The following ATF6 variants were observed in gnomAD, a reference collection of about 807,000 sequenced individuals.
ATF6 encodes the protein cyclic AMP-dependent transcription factor ATF-6 alpha.
A neutral mutation model predicts 83.6 loss-of-function variants in ATF6; 53 were observed. The observed-to-expected ratio is 0.63, with a 90% CI of 0.51 to 0.80. ATF6 has a LOEUF of 0.80. Among genes scored for constraint, ATF6 ranks in the 30% least tolerant of loss-of-function variants. The pLI is 0.00. For synonymous variants in ATF6, 288 were observed against 285.8 expected (o/e 1.01, Z -0.08); for missense variants, 744 against 797.9 (o/e 0.93, Z 0.81).
At chr1:161,902,056 C>T (rs577031590) in intron 14 of ATF6, among the ~76,000 whole-genome samples, 3 of 152,230 alleles carry the variant, frequency 2.0e-5, no homozygotes, top group South Asian at 2.1e-4. Context: ...TTCCGAAATT[C>T]GGATTTTCAC....
intron 15 of ATF6, among the ~76,000 whole-genome samples, chr1:161,914,285 C>T (rs886302791): frequency 2.0e-5 from 3 of 152,142 alleles, no homozygotes; most frequent in African/African-American, 4.8e-5. Flanking sequence ...TCAAAGTCTG[C>T]AGCAGGGCAG....
At position 161,833,871 on chromosome 1, in the gene ATF6, G is replaced by A. The variant is rs1387112499; in HGVS notation, c.1188-12578G>A. Among the ~76,000 whole-genome samples the A allele has an allele frequency of 2.0e-5, 3 of 152,104 alleles. No homozygotes were observed. The East Asian group carries it at 5.8e-4, about 29-fold the overall frequency. ...AGGAGAACTTCCCCAATCTAGCAAG[G>A]CAGGCCAACATTCAAATTCAGGAAA... On this transcript the variant is annotated intron_variant, in intron 9 of 15. Coordinates refer to ENST00000367942, the MANE Select transcript of ATF6 (RefSeq NM_007348.4).
intron 15 of ATF6, among the ~76,000 whole-genome samples, chr1:161,938,548 G>A (rs10737517): frequency 0.64 from 97,932 of 152,146 alleles, 33,335 homozygotes; most frequent in Non-Finnish European, 0.77. Context: ...ATTGGTGCCA[G>A]AAATGTAAGG....
At chr1:161,863,142 T>G in intron 13 of ATF6, 56 bp from the exon 14 acceptor site, 1 of 1,064,228 alleles carries the variant, frequency 9.4e-7, no homozygotes, top group Non-Finnish European at 1.4e-6. Flanking sequence ...GGGAAGTATT[T>G]TGGGAAAACA....
At chr1:161,772,084 T>C (rs544717929) in intron 1 of ATF6, among the ~76,000 whole-genome samples, 168 of 152,346 alleles carry the variant, frequency 1.1e-3, no homozygotes, top group African/African-American at 3.8e-3. Flanking sequence ...GTTTCAATAG[T>C]TGTTCAGTCC....
At chr1:161,816,950 T>C (rs1011375613) in intron 7 of ATF6, among the ~76,000 whole-genome samples, 2 of 152,222 alleles carry the variant, frequency 1.3e-5, no homozygotes, top group South Asian at 2.1e-4. Flanking sequence ...ATTGGAGCCC[T>C]GTGTTTGGTG....
chr1:161,796,355 A>G (rs1685021603), intron 6 of ATF6, among the ~76,000 whole-genome samples: 1 of 152,166 alleles, frequency 6.6e-6, no homozygotes, highest in Non-Finnish European at 1.5e-5. Flanking sequence ...GGATCTTTTA[A>G]TCATAATTTT....
chr1:161,816,007 A>T (rs1300163333), intron 7 of ATF6, among the ~76,000 whole-genome samples: 1 of 152,244 alleles, frequency 6.6e-6, no homozygotes, highest in African/African-American at 2.4e-5. Flanking sequence ...TCTTACATTG[A>T]TTCAACCTTC....
At position 161,770,455 on chromosome 1, in the gene ATF6, G is replaced by A. The variant is rs543420929; in HGVS notation, c.82+4013G>A. Among the ~76,000 whole-genome samples the A allele has an allele frequency of 3.3e-5, 5 of 152,274 alleles. No individual in the cohort carries two copies. The South Asian group carries it at 1.0e-3, about 32-fold the overall frequency. On this transcript the variant is annotated intron_variant, in intron 1 of 15. Transcript: ENST00000367942. ...CAAGATCAAGATGGCCGCACCTTCA[G>A]GTTCTGGTTAGGGCTCTCTTCCTGG...
In ATF6 at chr1:161,863,209, G is replaced by A; in HGVS notation, c.1616G>A (p.Gly539Glu). ...ETTSSISRNSGSELQVYYASP... is the reference protein window; with the variant it reads ...ETTSSISRNSESELQVYYASP... ...TTTTCTTACTTTAGCAGGAACTCAG[G>A]GAGTGAGCTACAAGTGTATTATGCT... The change falls in exon 14 of 16, where the codon GGG (glycine) becomes GAG (glutamate). Residue 539 changes from glycine (G) to glutamate (E), a missense_variant. Transcript: ENST00000367942. The A allele has an allele frequency of 6.3e-7, 1 of 1,595,588 alleles. No homozygotes were observed. The highest frequency in any genetic ancestry group is 8.6e-7 in the Non-Finnish European group (1 of 1,167,154).
In ATF6 at chr1:161,959,491, A is replaced by G; in HGVS notation, c.*837A>G. 1 of 152,048 alleles carries G rather than the reference A, an allele frequency of 6.6e-6. No individual in the cohort carries two copies. The highest frequency in any genetic ancestry group is 1.5e-5 in the Non-Finnish European group (1 of 68,016). The allele number at this position is 152,048 out of a possible 1,614,324, so 9.4% of individuals were successfully genotyped here. A position where few individuals can be genotyped will look rare whatever the true frequency, so the allele number is the denominator to read the frequency against. On this transcript the variant is annotated 3_prime_UTR_variant, in exon 16 of 16. Coordinates refer to ENST00000367942, the MANE Select transcript of ATF6 (RefSeq NM_007348.4). ...CAAGACCATCCCGGCTAAAACGGTG[A>G]AACCCCGTCTCTACTAAAAATACAA...
chr1:161,919,689 G>T (rs1688164863), intron 15 of ATF6, among the ~76,000 whole-genome samples: 1 of 152,076 alleles, frequency 6.6e-6, no homozygotes, highest in East Asian at 1.9e-4. Flanking sequence ...TGTTTGTGTG[G>T]TACATGTGTA....
At chr1:161,937,623 A>G (rs914813738) in intron 15 of ATF6, among the ~76,000 whole-genome samples, 2 of 151,984 alleles carry the variant, frequency 1.3e-5, no homozygotes, top group Non-Finnish European at 2.9e-5. Context: ...CATCATTCTC[A>G]GCAAACTAAC....
At chr1:161,780,532 C>T (rs1684609747) in intron 2 of ATF6, among the ~76,000 whole-genome samples, 1 of 151,986 alleles carries the variant, frequency 6.6e-6, no homozygotes, top group South Asian at 2.1e-4. Context: ...CGCCACCACG[C>T]CCGGCTAATT....
chr1:161,903,964 G>T (rs1301776516), intron 14 of ATF6, among the ~76,000 whole-genome samples: 1 of 152,158 alleles, frequency 6.6e-6, no homozygotes, highest in African/African-American at 2.4e-5. Flanking sequence ...TGTTTTTCAA[G>T]AGTTGAGGAA....
chr1:161,838,697 T>C (rs748983560), intron 9 of ATF6, among the ~76,000 whole-genome samples: 4 of 152,222 alleles, frequency 2.6e-5, no homozygotes, highest in Non-Finnish European at 4.4e-5. Flanking sequence ...TAATTGCTTA[T>C]TGAATGAATG....
intron 15 of ATF6, among the ~76,000 whole-genome samples, chr1:161,922,625 C>T (rs1023414886): frequency 1.3e-5 from 2 of 151,690 alleles, no homozygotes; most frequent in Non-Finnish European, 2.9e-5. Flanking sequence ...GAGGGGATAA[C>T]AGTTAAACCA....
chr1:161,940,559 C>CTTTTTTTTTTT lies in ATF6; in HGVS notation c.1805-17880_1805-17870dup, dbSNP rs71301060. ...GTCTCAAGTGTCACCTCCTTCAGATCTTTTTTTTTTTTTTTTTGAGACAGA... is the reference window on the plus strand; with the variant it reads ...GTCTCAAGTGTCACCTCCTTCAGATCTTTTTTTTTTTTTTTTTTTTTTTTTTTTGAGACAGA... On this transcript the variant is annotated intron_variant, in intron 15 of 15. Transcript: ENST00000367942. Among the ~76,000 whole-genome samples the CTTTTTTTTTTT allele has an allele frequency of 8.4e-5, 10 of 118,428 alleles. 1 individual carries two copies. The highest frequency in any genetic ancestry group is 1.8e-4 in the Admixed American group (2 of 11,154). The allele number at this position is 118,428 out of a possible 152,430, so 77.7% of individuals were successfully genotyped here. A position where few individuals can be genotyped will look rare whatever the true frequency, so the allele number is the denominator to read the frequency against.
At chr1:161,817,702 G>T (rs1243621192) in intron 7 of ATF6, among the ~76,000 whole-genome samples, 2 of 152,136 alleles carry the variant, frequency 1.3e-5, no homozygotes, top group Non-Finnish European at 2.9e-5. Context: ...TTTAAAGGTT[G>T]TTGAAAATAT....
Sources: allele counts gnomAD v4.1 joint callset (sites outside exome capture counted in the v4.1 genomes callset), GRCh38; gene constraint gnomAD v4.1.1; transcripts MANE v1.5; gene names NCBI Gene and HGNC (gene_info 2026-07-23, HGNC 2026-07-21).